The following AKR1C4 variants were observed in gnomAD, a reference collection of about 807,000 sequenced individuals.
The protein encoded by AKR1C4 is aldo-keto reductase family 1 member C4.
A neutral mutation model predicts 41.0 loss-of-function variants in AKR1C4; 44 were observed. That is an observed-to-expected ratio of 1.07 (90% CI 0.84 to 1.38). The LOEUF is 1.38. AKR1C4 is among the 40% of genes most tolerant of loss of function. AKR1C4 has a pLI of 0.00. For missense variants in AKR1C4, 438 were observed against 387.9 expected, an observed-to-expected ratio of 1.13 and a Z score of -1.09; for synonymous variants, 165 against 137.7, an observed-to-expected ratio of 1.20 and a Z score of -1.39.
chr10:5,218,376 A>G lies in AKR1C4; in HGVS notation c.930-342A>G, dbSNP rs117967515. Among the ~76,000 whole-genome samples the G allele has an allele frequency of 8.2e-3, 1,256 of 152,346 alleles. 12 individuals are homozygous for G. The highest frequency in any genetic ancestry group is 0.013 in the Non-Finnish European group (853 of 68,024). On this transcript the variant is annotated intron_variant, in intron 8 of 8. Transcript: ENST00000263126. ...AGCTGGCTTATTTCTATTCAAAACAATGCAAGATGAGTTCCTGCTTTCATT... is the reference window on the plus strand; with the variant it reads ...AGCTGGCTTATTTCTATTCAAAACAGTGCAAGATGAGTTCCTGCTTTCATT...
chr10:5,200,408 C>T lies in AKR1C4; in HGVS notation c.252+60C>T, dbSNP rs1832382465. 5 of 1,538,400 alleles carry T rather than the reference C, an allele frequency of 3.3e-6. No individual in the cohort carries two copies. In the Admixed American group the frequency reaches 5.8e-5, roughly 18 times the overall value. On this transcript the variant is annotated intron_variant, in intron 2 of 8. Transcript: ENST00000263126. ...GTTTAATGGGATTGTGTGGAGATGA[C>T]AATTCTGTAACTGGTTCAGTAGTTG...
chr10:5,213,276 A>G, intron 7 of AKR1C4, 117 bp downstream of exon 7: 1 of 1,474,302 alleles, frequency 6.8e-7, no homozygotes, highest in Non-Finnish European at 9.1e-7. Flanking sequence ...TCCTATGCAC[A>G]AATGCTTTGT....
chr10:5,197,085 T>C (rs986333233), intron 1 of AKR1C4, 134 bp downstream of exon 1: 2 of 805,692 alleles, frequency 2.5e-6, no homozygotes, highest in African/African-American at 1.7e-5. Flanking sequence ...GGGCTAGAGC[T>C]ATTCTATGTT....
intron 1 of AKR1C4, among the ~76,000 whole-genome samples, chr10:5,197,743 T>G (rs7074004): frequency 0.12 from 17,815 of 152,274 alleles, 1,300 homozygotes; most frequent in Admixed American, 0.17. Context: ...CATAAAATTT[T>G]TGTCTAAATT....
At chr10:5,212,921 T>G in intron 6 of AKR1C4, 73 bp from the exon 7 acceptor site, 1 of 1,557,512 alleles carries the variant, frequency 6.4e-7, no homozygotes, top group East Asian at 2.3e-5. Context: ...ATGAACACCT[T>G]AGTCTGTTTA....
chr10:5,208,998 A>G (rs1554797722), intron 5 of AKR1C4, among the ~76,000 whole-genome samples: 4 of 146,568 alleles, frequency 2.7e-5, no homozygotes, highest in African/African-American at 1.1e-4. Context: ...AAGTTTGTGT[A>G]GATTAGAAGT....
intron 8 of AKR1C4, among the ~76,000 whole-genome samples, chr10:5,217,162 C>T (rs1291352270): frequency 1.3e-5 from 2 of 152,230 alleles, no homozygotes; most frequent in African/African-American, 4.8e-5. Context: ...GTACTTATAG[C>T]TTTTTCTTCC....
At chr10:5,204,160 T>C (rs1265062192) in intron 2 of AKR1C4, among the ~76,000 whole-genome samples, 2 of 152,228 alleles carry the variant, frequency 1.3e-5, no homozygotes, top group East Asian at 1.9e-4. Flanking sequence ...AATTTTTACC[T>C]ACTGAAAATT....
chr10:5,212,879 C>G, intron 6 of AKR1C4, 115 bp from the exon 7 acceptor site: 5 of 1,441,758 alleles, frequency 3.5e-6, no homozygotes, highest in Non-Finnish European at 4.7e-6. Flanking sequence ...TGCTGCTGTT[C>G]AGGGACCTCA....
At chr10:5,197,337 T>C (rs17134523) in intron 1 of AKR1C4, among the ~76,000 whole-genome samples, 17,754 of 152,220 alleles carry the variant, frequency 0.12, 1,294 homozygotes, top group Admixed American at 0.17. Context: ...ATTCTTCTAC[T>C]AGACGTGATC....
chr10:5,215,865 C>T lies in AKR1C4; in HGVS notation c.847-846C>T, dbSNP rs1015009047. 2.0e-5 allele frequency among the ~76,000 whole-genome samples: 3 copies of T among 152,204 alleles called. No individual in the cohort carries two copies. In the East Asian group the frequency reaches 5.8e-4, roughly 29 times the overall value. The stretch of plus-strand genomic sequence containing the variant: ...ATCTTCCCATTTTCTTCTGAACCCT[C>T]CTGACACTTCCAAACTGTGCTAATT... On this transcript the variant is annotated intron_variant, in intron 7 of 8. Coordinates refer to ENST00000263126, the MANE Select transcript of AKR1C4 (RefSeq NM_001818.5).
intron 7 of AKR1C4, among the ~76,000 whole-genome samples, chr10:5,213,812 G>A (rs1832613272): frequency 6.6e-6 from 1 of 152,198 alleles, no homozygotes; most frequent in South Asian, 2.1e-4. Context: ...AATTAATCCA[G>A]AATCCATATT....
rs5782814 is a variant in AKR1C4 at position 5,218,542 on chromosome 10, G to GA, written c.930-162dup. 5.1e-4 allele frequency among the ~76,000 whole-genome samples: 75 copies of GA among 146,578 alleles called. 1 individual carries two copies. The highest frequency in any genetic ancestry group is 1.7e-3 in the Admixed American group (25 of 14,786). On this transcript the variant is annotated intron_variant, in intron 8 of 8. Coordinates refer to ENST00000263126, the MANE Select transcript of AKR1C4 (RefSeq NM_001818.5). ...TATAAGTTGAAAATTTTCTTATTTTGAAAAAAAAAAAAAACACATTATAAA... is the reference window on the plus strand; with the variant it reads ...TATAAGTTGAAAATTTTCTTATTTTGAAAAAAAAAAAAAAACACATTATAAA...
rs782748902 is a variant in AKR1C4, at chr10:5,218,767, G to A, written c.*7G>A. 2 of 1,603,914 alleles carry A rather than the reference G, an allele frequency of 1.2e-6. No individual in the cohort carries two copies. The highest frequency in any genetic ancestry group is 1.1e-5 in the South Asian group (1 of 90,856). ...ATTTTCAGATGAATATTAGCATAGA[G>A]GGTGTTGCACGACATCTAGCAGAAG... On this transcript the variant is annotated 3_prime_UTR_variant, in exon 9 of 9. Transcript: ENST00000263126.
chr10:5,204,085 A>C (rs1554797205), intron 2 of AKR1C4, among the ~76,000 whole-genome samples: 1 of 152,242 alleles, frequency 6.6e-6, no homozygotes, highest in African/African-American at 2.4e-5. Context: ...GAGAAAAATT[A>C]GACTATTCAA....
At chr10:5,200,904 C>T (rs1229123251) in intron 2 of AKR1C4, among the ~76,000 whole-genome samples, 1 of 152,142 alleles carries the variant, frequency 6.6e-6, no homozygotes, top group Non-Finnish European at 1.5e-5. Flanking sequence ...ATAATGGCCT[C>T]AAGCTCCAAG....
In AKR1C4 at chr10:5,204,459, A is replaced by C; in HGVS notation, c.335A>C (p.Asp112Ala). 6.2e-7 allele frequency: 1 copy of C among 1,613,708 alleles called. No homozygotes were observed. Residue 112 changes from aspartate to alanine, a missense_variant, in exon 3 of 9, where the codon GAC becomes GCC. Asp to Ala is a moderately radical substitution (Grantham distance 126). Coordinates refer to ENST00000263126, the MANE Select transcript of AKR1C4 (RefSeq NM_001818.5). ...AAAAAACTTCAACTGGACTATGTTG[A>C]CCTCTATCTTCTTCATTTCCCAATG... is the stretch of plus-strand genomic sequence containing the variant. The part of the protein sequence containing the change: ...SLKKLQLDYV[D>A]LYLLHFPMAL...
intron 1 of AKR1C4, among the ~76,000 whole-genome samples, chr10:5,199,885 G>A (rs763262476): frequency 4.6e-5 from 7 of 152,184 alleles, no homozygotes; most frequent in Non-Finnish European, 8.8e-5. Flanking sequence ...TAATTGAGCT[G>A]GTTAACACAA....
intron 1 of AKR1C4, among the ~76,000 whole-genome samples, chr10:5,199,075 T>C (rs1487434171): frequency 1.3e-5 from 2 of 152,168 alleles, no homozygotes; most frequent in African/African-American, 2.4e-5. Context: ...AACAAATGAC[T>C]GAATCTGAGG....
Sources: gnomAD v4.1 joint callset for allele counts (sites outside exome capture counted in the v4.1 genomes callset) on GRCh38, gnomAD v4.1.1 for gene constraint, MANE v1.5 for transcripts, NCBI Gene and HGNC (gene_info 2026-07-23, HGNC 2026-07-21) for gene names.